The following CCDC88A variants were observed in gnomAD, a reference collection of about 807,000 sequenced individuals.
CCDC88A encodes the protein coiled-coil and HOOK domain protein 88A, also known as girdin.
CCDC88A carries 54 observed loss-of-function variants against 234.3 expected under a neutral mutation model. That is an observed-to-expected ratio of 0.23 (90% confidence interval 0.19 to 0.29). The LOEUF (loss-of-function observed/expected upper bound fraction) is 0.29. Among genes scored for constraint, CCDC88A ranks in the 10% least tolerant of loss-of-function variants. CCDC88A has a pLI of 1.00. For synonymous variants in CCDC88A, 753 were observed against 737.8 expected (o/e 1.02, Z -0.33); for missense variants, 1,832 against 2,123.4 (o/e 0.86, Z 2.70).
At chr2:55,379,032 C>T (rs1015158822) in intron 3 of CCDC88A, among the ~76,000 whole-genome samples, 9 of 152,264 alleles carry the variant, frequency 5.9e-5, no homozygotes, top group African/African-American at 2.2e-4. Flanking sequence ...AGGCATGAAC[C>T]ACTGCGCCCG....
chr2:55,418,713 C>G, intron 2 of CCDC88A, 103 bp downstream of exon 2: 1 of 825,318 alleles, frequency 1.2e-6, no homozygotes, highest in Non-Finnish European at 2.1e-6. Flanking sequence ...CTGAATATTT[C>G]TGGCCAATGA....
At chr2:55,294,206 C>T (rs1679765593) in intron 31 of CCDC88A, 1 of 883,320 alleles carries the variant, frequency 1.1e-6, no homozygotes, top group Non-Finnish European at 1.4e-6. Context: ...CTTTGACTCT[C>T]TATAAAAAAA....
At chr2:55,347,996 A>G (rs1320930418) in intron 9 of CCDC88A, among the ~76,000 whole-genome samples, 1 of 150,826 alleles carries the variant, frequency 6.6e-6, no homozygotes, top group Non-Finnish European at 1.5e-5. Flanking sequence ...ACAGGGTCTC[A>G]CTCTGTCACC....
rs1683224005 is a variant in CCDC88A at position 55,318,409 on chromosome 2, TAA to T, written c.3324+432_3324+433del. ...TTTTCCCCACCTGATTGTTCTGTTT[TAA>T]AAGACACTGGCGGTGTTAAGTGAAA... On this transcript the variant is annotated intron_variant, in intron 19 of 32. Coordinates refer to ENST00000436346, the MANE Select transcript of CCDC88A (RefSeq NM_001365480.1). 3.3e-5 allele frequency among the ~76,000 whole-genome samples: 5 copies of T among 152,260 alleles called. No homozygotes were observed. In the South Asian group the frequency reaches 1.0e-3, roughly 32 times the overall value.
intron 21 of CCDC88A, chr2:55,316,770 C>T (rs1185453662): frequency 6.6e-6 from 1 of 152,178 alleles, no homozygotes; most frequent in Non-Finnish European, 1.5e-5. Context: ...GAGTCTTACT[C>T]TGTTGCCCAG....
rs183851885 is a variant in CCDC88A, at chr2:55,289,747, G to A, written c.*1453C>T. The A allele has an allele frequency of 3.8e-5, 5 of 133,010 alleles. No individual in the cohort carries two copies. The highest frequency in any genetic ancestry group is 6.4e-5 in the Non-Finnish European group (4 of 62,278). The allele number at this position is 133,010 out of a possible 1,614,324, so 8.2% of individuals were successfully genotyped here. Reference sequence around the variant, plus strand: ...GAACACAACATTGCTACTGGCCTACGAAAGAGAGAGAGAAAGAGGGAGAGA... The same window carrying A: ...GAACACAACATTGCTACTGGCCTACAAAAGAGAGAGAGAAAGAGGGAGAGA... On this transcript the variant is annotated 3_prime_UTR_variant, in exon 33 of 33. Transcript: ENST00000436346.
At chr2:55,364,199 A>G in intron 5 of CCDC88A, 166 bp from the exon 6 acceptor site, 1 of 454,098 alleles carries the variant, frequency 2.2e-6, no homozygotes, top group East Asian at 3.6e-5. Context: ...ACAACAATTT[A>G]GAAATAATTA....
intron 9 of CCDC88A, among the ~76,000 whole-genome samples, chr2:55,346,580 C>T (rs775100082): frequency 3.9e-5 from 6 of 152,018 alleles, no homozygotes; most frequent in African/African-American, 7.2e-5. Flanking sequence ...CCACCATGCC[C>T]GGCTAATTTT....
chr2:55,399,541 A>T (rs1336726796), intron 2 of CCDC88A, among the ~76,000 whole-genome samples: 1 of 151,770 alleles, frequency 6.6e-6, no homozygotes, highest in Non-Finnish European at 1.5e-5. Context: ...AAAAAAAAAA[A>T]AAAGTGGCAC....
In CCDC88A at chr2:55,289,920, A is replaced by G. The variant is rs1235425371; in HGVS notation, c.*1280T>C. 1 of 152,556 alleles carries G rather than the reference A, an allele frequency of 6.6e-6. No individual in the cohort carries two copies. Among genetic ancestry groups the G allele is most frequent in the East Asian group, 1.9e-4 (1 of 5,194 alleles). The allele number at this position is 152,556 out of a possible 1,614,324, so 9.5% of individuals were successfully genotyped here. A position where few individuals can be genotyped will look rare whatever the true frequency, so the allele number is the denominator to read the frequency against. ...AGCTGGTAATGAAAGCCTAAGAAGTACACTGTTAAAATTTTAAAAAGTCAG... is the reference window on the plus strand; with the variant it reads ...AGCTGGTAATGAAAGCCTAAGAAGTGCACTGTTAAAATTTTAAAAAGTCAG... On this transcript the variant is annotated 3_prime_UTR_variant, in exon 33 of 33. Coordinates refer to ENST00000436346, the MANE Select transcript of CCDC88A (RefSeq NM_001365480.1).
intron 5 of CCDC88A, among the ~76,000 whole-genome samples, chr2:55,366,958 G>A (rs908911326): frequency 6.6e-6 from 1 of 152,126 alleles, no homozygotes; most frequent in African/African-American, 2.4e-5. Context: ...GTACACTCAT[G>A]TTCATAGCAA....
intron 6 of CCDC88A, among the ~76,000 whole-genome samples, chr2:55,363,366 A>G (rs1671557640): frequency 6.6e-6 from 1 of 151,930 alleles, no homozygotes; most frequent in African/African-American, 2.4e-5. Flanking sequence ...TACTAATTCT[A>G]AAGTGTCTTT....
intron 5 of CCDC88A, among the ~76,000 whole-genome samples, chr2:55,371,698 C>G (rs749240867): frequency 9.2e-5 from 14 of 152,154 alleles, no homozygotes; most frequent in South Asian, 4.1e-4. Context: ...TGTGCCCAAA[C>G]TGGTCTCAAA....
chr2:55,418,792 C>T, intron 2 of CCDC88A, 24 bp downstream of exon 2: 5 of 1,563,086 alleles, frequency 3.2e-6, no homozygotes, highest in Non-Finnish European at 4.4e-6. Context: ...GAAAACGTTA[C>T]CTAGGAAAGA....
chr2:55,379,042 G>A (rs917627255), intron 3 of CCDC88A, among the ~76,000 whole-genome samples: 3 of 152,012 alleles, frequency 2.0e-5, no homozygotes, highest in Non-Finnish European at 4.4e-5. Flanking sequence ...CACTGCGCCC[G>A]GCCTGGATTC....
chr2:55,334,960 T>C lies in CCDC88A; in HGVS notation c.1861A>G (p.Lys621Glu). The stretch of plus-strand genomic sequence containing the variant: ...TCTTCAGCTCGTTCTCCTTTTTCTT[T>C]ATAATGTTCCAATTCTTTTTTAATT... ...RQIKKELEHY[K>E]EKGERAEELE... is the part of the protein sequence containing the mutation. Residue 621 changes from lysine to glutamate, a missense_variant, in exon 15 of 33, where the codon AAA (lysine) becomes GAA (glutamate). Transcript: ENST00000436346. This position sits in a 1 kb window ranked among gnomAD's most constrained non-coding sequence, Gnocchi z 6.1. 6.3e-7 allele frequency: 1 copy of C among 1,576,668 alleles called. No individual in the cohort carries two copies. Among genetic ancestry groups the C allele is most frequent in the Non-Finnish European group, 8.6e-7 (1 of 1,158,486 alleles).
Position 55,290,269 on chromosome 2 carries a change from C to A in CCDC88A, c.*931G>T, listed in dbSNP as rs569653151. ...TTATAAATGAGTTTCTGGCAAAATGCAGATCATAGTAACTTATTTACATTA... is the reference window on the plus strand; with the variant it reads ...TTATAAATGAGTTTCTGGCAAAATGAAGATCATAGTAACTTATTTACATTA... On this transcript the variant is annotated 3_prime_UTR_variant, in exon 33 of 33. Coordinates refer to ENST00000436346, the MANE Select transcript of CCDC88A (RefSeq NM_001365480.1). 1 of 152,310 alleles carries A rather than the reference C, an allele frequency of 6.6e-6. No homozygotes were observed. Among genetic ancestry groups the A allele is most frequent in the South Asian group, 2.1e-4 (1 of 4,822 alleles). 9.4% of individuals were successfully genotyped at this position (152,310 alleles called of 1,614,324 possible). A position where few individuals can be genotyped will look rare whatever the true frequency, so the allele number is the denominator to read the frequency against.
At chr2:55,379,733 G>C (rs1674270945) in intron 3 of CCDC88A, among the ~76,000 whole-genome samples, 2 of 152,064 alleles carry the variant, frequency 1.3e-5, no homozygotes, top group African/African-American at 4.8e-5. Context: ...GATCAACATG[G>C]AGAAACCTTG....
chr2:55,355,525 A>G, intron 8 of CCDC88A, 54 bp downstream of exon 8: 1 of 1,417,378 alleles, frequency 7.1e-7, no homozygotes, highest in Non-Finnish European at 1.0e-6. Flanking sequence ...AATATTGTTT[A>G]GGTCACCTTT....
Sources: gnomAD v4.1 joint callset for allele counts (sites outside exome capture counted in the v4.1 genomes callset) on GRCh38, gnomAD v4.1.1 for gene constraint, Gnocchi (gnomAD v3.1) non-coding constraint, MANE v1.5 for transcripts, NCBI Gene and HGNC (gene_info 2026-07-23, HGNC 2026-07-21) for gene names.